The following GREB1L variants were observed in gnomAD, a reference collection of about 807,000 sequenced individuals.
The protein encoded by GREB1L is GREB1 like retinoic acid receptor coactivator, also known as GREB1-like protein.
GREB1L carries 17 observed loss-of-function variants against 200.8 expected under a neutral mutation model. That is an observed-to-expected ratio of 0.08 (90% CI 0.06 to 0.13). GREB1L has a LOEUF of 0.13. GREB1L is among the 10% of genes least tolerant of loss of function. GREB1L has a pLI of 1.00. For synonymous variants in GREB1L, 789 were observed against 893.0 expected (o/e 0.88, Z 2.08); for missense variants, 1,657 against 2,367.7 (o/e 0.70, Z 6.23).
intron 2 of GREB1L, among the ~76,000 whole-genome samples, chr18:21,369,452 G>T (rs1358520119): frequency 6.6e-6 from 1 of 152,156 alleles, no homozygotes; most frequent in Non-Finnish European, 1.5e-5. Flanking sequence ...TTGACAAGAG[G>T]TGTTTATTTT....
chr18:21,426,754 C>T (rs971556838), intron 7 of GREB1L, among the ~76,000 whole-genome samples: 3 of 151,796 alleles, frequency 2.0e-5, no homozygotes, highest in Non-Finnish European at 2.9e-5. Flanking sequence ...GTCAGGAGAT[C>T]GAGACCATCC....
At chr18:21,407,707 A>G (rs2030429563) in intron 7 of GREB1L, among the ~76,000 whole-genome samples, 3 of 152,122 alleles carry the variant, frequency 2.0e-5, no homozygotes, top group Admixed American at 2.0e-4. Flanking sequence ...CCTCATCAAA[A>G]TTCAAAACTT....
At chr18:21,429,108 TCC>T (rs1491511339) in intron 7 of GREB1L, among the ~76,000 whole-genome samples, 3 of 126,454 alleles carry the variant, frequency 2.4e-5, no homozygotes, top group African/African-American at 1.2e-4. Flanking sequence ...TAAACTATTC[TCC>T]CTTCCTTCCT....
chr18:21,250,127 G>A (rs2037677543), intron 1 of GREB1L, among the ~76,000 whole-genome samples: 1 of 152,164 alleles, frequency 6.6e-6, no homozygotes, highest in Non-Finnish European at 1.5e-5. Flanking sequence ...TGTTAGAGGG[G>A]CAACTAGGAG....
At position 21,513,981 on chromosome 18, in the gene GREB1L, A is replaced by G. The variant is rs377476806; in HGVS notation, c.4896A>G (p.Pro1632=). The part of the protein sequence containing the change: ...VLWNIHSVQE[P]SSQPMEVGVS... ...GGAACATTCACAGTGTTCAGGAGCC[A>G]TCCAGGTAGACTTCCAAGCTGGGGG... Residue 1632 remains proline (P), a synonymous_variant, in exon 28 of 33, where the codon CCA becomes CCG. Transcript: ENST00000424526. 12 of 1,551,356 alleles carry G rather than the reference A, an allele frequency of 7.7e-6. No homozygotes were observed. The highest frequency in any genetic ancestry group is 2.7e-5 in the African/African-American group (2 of 73,030).
chr18:21,516,107 G>A (rs2037407919), intron 29 of GREB1L, among the ~76,000 whole-genome samples: 1 of 152,130 alleles, frequency 6.6e-6, no homozygotes, highest in Admixed American at 6.5e-5. Flanking sequence ...GCAGCAGATG[G>A]GGATGAGCAG....
At position 21,452,171 on chromosome 18, in the gene GREB1L, T is replaced by C; in HGVS notation, c.1938T>C (p.Cys646=). The change falls in exon 14 of 33, where the codon TGT becomes TGC. Residue 646 remains cysteine (C), a synonymous_variant. Coordinates refer to ENST00000424526, the MANE Select transcript of GREB1L (RefSeq NM_001142966.3). ...VTPFDGDLNE[C]VSPQEAAAMI... is the part of the protein sequence containing the mutation. ...CTTTCGATGGAGACCTTAATGAATG[T>C]GTGTCACCCCAGGAGGCTGCTGCTA... 5.8e-6 allele frequency: 9 copies of C among 1,551,830 alleles called. No homozygotes were observed. Among genetic ancestry groups the C allele is most frequent in the Non-Finnish European group, 7.8e-6 (9 of 1,146,906 alleles).
intron 25 of GREB1L, among the ~76,000 whole-genome samples, chr18:21,507,530 C>T (rs1466156724): frequency 1.3e-5 from 2 of 152,132 alleles, no homozygotes; most frequent in East Asian, 1.9e-4. Flanking sequence ...ACTGAAAAAA[C>T]GTGAACTCTG....
At chr18:21,263,016 G>A (rs1192941365) in intron 1 of GREB1L, among the ~76,000 whole-genome samples, 9 of 152,190 alleles carry the variant, frequency 5.9e-5, no homozygotes, top group African/African-American at 2.2e-4. Context: ...GGGAGTATAT[G>A]TAATTGTAAA....
intron 29 of GREB1L, among the ~76,000 whole-genome samples, chr18:21,516,387 C>G (rs1486569521): frequency 6.6e-6 from 1 of 152,124 alleles, no homozygotes; most frequent in Non-Finnish European, 1.5e-5. Context: ...TACCTAAAAC[C>G]TGTGACATAG....
In GREB1L at chr18:21,390,827, G is replaced by T. The variant is rs191950869; in HGVS notation, c.356-4558G>T. ...TGGGATTACAGGCGTGAGCCACCGC[G>T]CCAGGCCAACAAAAAAAGTTTAAAA... On this transcript the variant is annotated intron_variant, in intron 4 of 32. Transcript: ENST00000424526. Among the ~76,000 whole-genome samples, 39 of 151,970 alleles carry T rather than the reference G, an allele frequency of 2.6e-4. No homozygotes were observed. In the East Asian group the frequency reaches 6.2e-3, roughly 24 times the overall value.
intron 1 of GREB1L, among the ~76,000 whole-genome samples, chr18:21,293,379 C>G (rs1404070844): frequency 6.6e-6 from 1 of 152,154 alleles, no homozygotes; most frequent in Non-Finnish European, 1.5e-5. Context: ...GACATAAAAT[C>G]TCTTTAATGG....
At chr18:21,402,786 G>A (rs1424380357) in intron 6 of GREB1L, among the ~76,000 whole-genome samples, 1 of 152,094 alleles carries the variant, frequency 6.6e-6, no homozygotes, top group Non-Finnish European at 1.5e-5. Context: ...GCCTCTCAAA[G>A]TGGTAGCATT....
intron 7 of GREB1L, among the ~76,000 whole-genome samples, chr18:21,428,652 C>T (rs1441387562): frequency 2.9e-5 from 4 of 140,132 alleles, no homozygotes; most frequent in Admixed American, 2.2e-4. Context: ...TTTTTTGAGA[C>T]GGAGTGTCGC....
chr18:21,293,428 A>C (rs1454148156), intron 1 of GREB1L, among the ~76,000 whole-genome samples: 1 of 152,238 alleles, frequency 6.6e-6, no homozygotes, highest in Non-Finnish European at 1.5e-5. Flanking sequence ...GTGTTACCTG[A>C]TTTAAAAAAA....
In GREB1L at chr18:21,490,132, C is replaced by G; in HGVS notation, c.2811C>G (p.Leu937=). The change falls in exon 19 of 33, where the codon CTC becomes CTG. Residue 937 remains leucine (L), a synonymous_variant. Coordinates refer to ENST00000424526, the MANE Select transcript of GREB1L (RefSeq NM_001142966.3). The stretch of plus-strand genomic sequence containing the variant: ...GCGACCACAGCACACCAGAAACACT[C>G]AGCATTATGGATGACCTCATCAGCT... The part of the protein sequence containing the change: ...SLRDHSTPET[L]SIMDDLISSP... 5 of 1,551,814 alleles carry G rather than the reference C, an allele frequency of 3.2e-6. No individual in the cohort carries two copies. Among genetic ancestry groups the G allele is most frequent in the Non-Finnish European group, 3.5e-6 (4 of 1,147,018 alleles).
chr18:21,369,026 AT>A (rs1293482899), intron 2 of GREB1L, among the ~76,000 whole-genome samples: 2 of 152,246 alleles, frequency 1.3e-5, no homozygotes, highest in Non-Finnish European at 2.9e-5. Context: ...GGTGGAAAAT[AT>A]TTAGTTATCT....
At position 21,522,614 on chromosome 18, in the gene GREB1L, T is replaced by C. The variant is rs1398597417; in HGVS notation, c.5609-44T>C. 2.8e-6 allele frequency: 4 copies of C among 1,422,594 alleles called. No individual in the cohort carries two copies. In the South Asian group the frequency reaches 4.6e-5, roughly 16 times the overall value. The allele number at this position is 1,422,594 out of a possible 1,614,324, so 88.1% of individuals were successfully genotyped here. ...ATCAGAGATAAAGTTCTTTATAAAT[T>C]CAATCCCTGAGCCTAGGACATATTT... On this transcript the variant is annotated intron_variant, in intron 32 of 32. Transcript: ENST00000424526.
intron 14 of GREB1L, among the ~76,000 whole-genome samples, chr18:21,453,047 G>A (rs1248978142): frequency 2.0e-5 from 3 of 152,144 alleles, no homozygotes; most frequent in Non-Finnish European, 4.4e-5. Context: ...GTGATGATCC[G>A]GATGATCTAA....
Sources: allele counts gnomAD v4.1 joint callset (sites outside exome capture counted in the v4.1 genomes callset), GRCh38; gene constraint gnomAD v4.1.1; transcripts MANE v1.5; gene names NCBI Gene and HGNC (gene_info 2026-07-23, HGNC 2026-07-21).